PCCA: variants seen among roughly 807,000 people sequenced by gnomAD.
PCCA encodes the protein propionyl-CoA carboxylase alpha chain, mitochondrial.
PCCA carries 74 observed loss-of-function variants against 101.3 expected under a neutral mutation model. That is an observed-to-expected ratio of 0.73 (90% CI 0.61 to 0.89). PCCA has a LOEUF of 0.89. PCCA is among the 40% of genes least tolerant of loss of function. The probability of loss-of-function intolerance (pLI) is 0.00; values close to 1 mark genes in which losing one functional copy is unlikely to be tolerated. For synonymous variants in PCCA, 294 were observed against 313.6 expected, an observed-to-expected ratio of 0.94 and a Z score of 0.66; for missense variants, 891 against 907.0, an observed-to-expected ratio of 0.98 and a Z score of 0.23.
intron 6 of PCCA, among the ~76,000 whole-genome samples, chr13:100,208,913 G>A (rs771528326): frequency 5.3e-5 from 8 of 152,162 alleles, no homozygotes; most frequent in African/African-American, 7.2e-5. Context: ...CTCAGAGCCT[G>A]GCACAGAATT....
At chr13:100,178,229 GTAGAAAAGATGCT>G (rs1332591325) in intron 6 of PCCA, among the ~76,000 whole-genome samples, 2 of 152,148 alleles carry the variant, frequency 1.3e-5, no homozygotes, top group African/African-American at 4.8e-5. Flanking sequence ...AACTTAAAAC[GTAGAAAAGATGCT>G]TAGGCAAATG....
At chr13:100,409,303 A>G (rs939369915) in intron 19 of PCCA, among the ~76,000 whole-genome samples, 1 of 152,160 alleles carries the variant, frequency 6.6e-6, no homozygotes, top group African/African-American at 2.4e-5. Flanking sequence ...CTTGAGCCCC[A>G]CATTGGGCGC....
chr13:100,367,788 C>G (rs1393223390), intron 18 of PCCA, among the ~76,000 whole-genome samples: 3 of 151,166 alleles, frequency 2.0e-5, no homozygotes, highest in Non-Finnish European at 4.4e-5. Flanking sequence ...GAAACCCCAT[C>G]TCTACTAAAA....
At chr13:100,449,156 T>G (rs2081045551) in intron 20 of PCCA, 96 bp from the exon 21 acceptor site, 1 of 681,508 alleles carries the variant, frequency 1.5e-6, no homozygotes, top group African/African-American at 1.8e-5. Context: ...TACCCATCCA[T>G]CAGTTGATGG....
intron 6 of PCCA, among the ~76,000 whole-genome samples, chr13:100,196,003 G>T (rs2058084370): frequency 6.6e-6 from 1 of 151,898 alleles, no homozygotes; most frequent in Admixed American, 6.6e-5. Flanking sequence ...CAAAAGAAAT[G>T]GAAAACACTA....
At chr13:100,257,795 C>T in intron 9 of PCCA, 122 bp downstream of exon 9, 1 of 727,292 alleles carries the variant, frequency 1.4e-6, no homozygotes, top group African/African-American at 1.7e-5. Flanking sequence ...CTAATTTTTA[C>T]ACTTTTGAAT....
chr13:100,518,807 C>G (rs532016604), intron 22 of PCCA, among the ~76,000 whole-genome samples: 4 of 152,176 alleles, frequency 2.6e-5, no homozygotes, highest in South Asian at 4.1e-4. Flanking sequence ...TTCTTAGACT[C>G]GTAACACTAT....
intron 4 of PCCA, among the ~76,000 whole-genome samples, chr13:100,152,468 A>T (rs979303317): frequency 7.3e-5 from 11 of 150,712 alleles, no homozygotes; most frequent in African/African-American, 2.4e-4. Context: ...TTTTTTTGAG[A>T]CAGAGTCTCA....
At position 100,368,684 on chromosome 13, in the gene PCCA, A is replaced by G. The variant is rs1046208528; in HGVS notation, c.1746+110A>G. 3.3e-5 allele frequency: 24 copies of G among 723,522 alleles called. No homozygotes were observed. In the African/African-American group the frequency reaches 4.0e-4, roughly 12 times the overall value. The allele number at this position is 723,522 out of a possible 1,614,324, so 44.8% of individuals were successfully genotyped here. On this transcript the variant is annotated intron_variant, in intron 19 of 23. Coordinates refer to ENST00000376285, the MANE Select transcript of PCCA (RefSeq NM_000282.4). ...CGTCTTTTGAATTTGTAGTACCTCT[A>G]TGTATTTTTCATCTTCTTTAGGAAG...
intron 21 of PCCA, among the ~76,000 whole-genome samples, chr13:100,474,547 A>G (rs750400900): frequency 1.3e-5 from 2 of 151,202 alleles, no homozygotes; most frequent in African/African-American, 2.4e-5. Context: ...GTGCAGTGGT[A>G]CAGTCATGGC....
chr13:100,340,039 G>T, intron 17 of PCCA, 118 bp from the exon 18 acceptor site: 1 of 725,022 alleles, frequency 1.4e-6, no homozygotes, highest in East Asian at 2.7e-5. Context: ...TACAATCCTA[G>T]CTGCATAATA....
intron 16 of PCCA, among the ~76,000 whole-genome samples, chr13:100,323,804 A>G (rs989477299): frequency 2.7e-4 from 41 of 152,216 alleles, no homozygotes; most frequent in Non-Finnish European, 7.3e-5. Context: ...GCATTATATC[A>G]TTTATACCTG....
intron 19 of PCCA, among the ~76,000 whole-genome samples, chr13:100,422,302 T>G (rs969202673): frequency 6.6e-6 from 1 of 151,680 alleles, no homozygotes; most frequent in African/African-American, 2.4e-5. Flanking sequence ...CCTGGCTAAG[T>G]AAAAAAAATT....
chr13:100,321,500 A>G (rs2068027082), intron 16 of PCCA, among the ~76,000 whole-genome samples: 2 of 152,042 alleles, frequency 1.3e-5, no homozygotes, highest in African/African-American at 2.4e-5. Flanking sequence ...CCTCTGAAAC[A>G]TAGTTATTAT....
At chr13:100,229,403 G>A (rs1018821925) in intron 7 of PCCA, among the ~76,000 whole-genome samples, 3 of 152,180 alleles carry the variant, frequency 2.0e-5, no homozygotes, top group Non-Finnish European at 4.4e-5. Flanking sequence ...TCTAAGACCT[G>A]TGCTAACATT....
At position 100,423,350 on chromosome 13, in the gene PCCA, A is replaced by G. The variant is rs2078948380; in HGVS notation, c.1747-2283A>G. On this transcript the variant is annotated intron_variant, in intron 19 of 23. Coordinates refer to ENST00000376285, the MANE Select transcript of PCCA (RefSeq NM_000282.4). ...GTATTAACCCGTGGTTCAAAGAGAC[A>G]TTCTCTACTTCTCCTTTGGCCTATA... Among the ~76,000 whole-genome samples, 3 of 152,282 alleles carry G rather than the reference A, an allele frequency of 2.0e-5. No individual in the cohort carries two copies. The South Asian group carries it at 6.2e-4, about 32-fold the overall frequency.
chr13:100,442,559 T>C (rs2080454283), intron 20 of PCCA, among the ~76,000 whole-genome samples: 1 of 152,226 alleles, frequency 6.6e-6, no homozygotes, highest in Non-Finnish European at 1.5e-5. Context: ...AATGATAATA[T>C]TGTTTTAGTG....
At chr13:100,166,025 A>G (rs528340399) in intron 6 of PCCA, among the ~76,000 whole-genome samples, 1 of 152,364 alleles carries the variant, frequency 6.6e-6, no homozygotes, top group South Asian at 2.1e-4. Context: ...TTGTACACTT[A>G]TATGTGTACA....
chr13:100,518,813 A>G (rs1278716269), intron 22 of PCCA, among the ~76,000 whole-genome samples: 2 of 152,210 alleles, frequency 1.3e-5, no homozygotes, highest in African/African-American at 4.8e-5. Flanking sequence ...GACTCGTAAC[A>G]CTATTGTAAA....
Sources: allele counts gnomAD v4.1 joint callset (sites outside exome capture counted in the v4.1 genomes callset), GRCh38; gene constraint gnomAD v4.1.1; transcripts MANE v1.5; gene names NCBI Gene and HGNC (gene_info 2026-07-23, HGNC 2026-07-21).